The following CFAP161 variants were observed in gnomAD, a reference collection of about 807,000 sequenced individuals.
CFAP161 encodes the protein cilia and flagella associated protein 161.
Under a neutral mutation model 29.0 loss-of-function variants are expected in CFAP161, and 25 were observed. The ratio of observed to expected loss-of-function variants is 0.86; its 90% CI spans 0.63 to 1.20. CFAP161 has a LOEUF of 1.20. CFAP161 is among the 50% of genes most tolerant of loss of function. CFAP161 has a pLI of 0.00. For missense variants in CFAP161, 367 were observed against 371.9 expected, an observed-to-expected ratio of 0.99 and a Z score of 0.11; for synonymous variants, 116 against 137.4, an observed-to-expected ratio of 0.84 and a Z score of 1.09.
In CFAP161 at chr15:81,103,645, G is replaced by A. The variant is rs140934009; in HGVS notation, c.-141-23945G>A. Reference sequence around the variant, plus strand: ...ATGCATTTCTTCACCTGTATCCCTTGCAGTACTCAGTATAATAAGCTACTA... The same window carrying A: ...ATGCATTTCTTCACCTGTATCCCTTACAGTACTCAGTATAATAAGCTACTA... On this transcript the variant is annotated intron_variant, in intron 1 of 4. Coordinates refer to the CFAP161 transcript ENST00000560091. Among the ~76,000 whole-genome samples the A allele has an allele frequency of 5.9e-3, 900 of 152,280 alleles. 9 individuals are homozygous for A. The highest frequency in any genetic ancestry group is 0.021 in the African/African-American group (863 of 41,562).
chr15:81,115,009 A>C (rs571677601), intron 1 of CFAP161, among the ~76,000 whole-genome samples: 2 of 152,320 alleles, frequency 1.3e-5, no homozygotes, highest in South Asian at 4.1e-4. Flanking sequence ...TCCTTGGCTA[A>C]AAAGATCGAT....
intron 1 of CFAP161, among the ~76,000 whole-genome samples, chr15:81,116,212 T>A (rs1181425937): frequency 6.6e-6 from 1 of 152,228 alleles, no homozygotes; most frequent in Non-Finnish European, 1.5e-5. Flanking sequence ...CCATTTCACT[T>A]GCCAAGTGAA....
At chr15:81,130,285 T>C (rs1018669014), upstream of CFAP161, among the ~76,000 whole-genome samples, 1 of 152,250 alleles carries the variant, frequency 6.6e-6, no homozygotes, top group Non-Finnish European at 1.5e-5. Flanking sequence ...ATAGCACTTT[T>C]AATTTCCTTC....
upstream of CFAP161, among the ~76,000 whole-genome samples, chr15:81,131,008 A>G (rs938791034): frequency 1.3e-5 from 2 of 152,182 alleles, no homozygotes; most frequent in South Asian, 4.1e-4. Flanking sequence ...AGATATAATA[A>G]TAAGGAAGTT....
At position 81,143,688 on chromosome 15, in the gene CFAP161, C is replaced by T. The variant is rs999440887; in HGVS notation, c.504C>T (p.Thr168=). 9 of 1,613,692 alleles carry T rather than the reference C, an allele frequency of 5.6e-6. No individual in the cohort carries two copies. Among genetic ancestry groups the T allele is most frequent in the Non-Finnish European group, 7.6e-6 (9 of 1,179,816 alleles). ...TGTATTTGTCAAGTGACCACAGGACCCTCCTGAAATCGTCTAAGAGGTCTT... is the reference window on the plus strand; with the variant it reads ...TGTATTTGTCAAGTGACCACAGGACTCTCCTGAAATCGTCTAAGAGGTCTT... ...KMLYLSSDHR[T]LLKSSKRSWL... The change falls in exon 5 of 7, where the codon ACC becomes ACT. Residue 168 remains threonine, a synonymous_variant. Coordinates refer to ENST00000286732, the MANE Select transcript of CFAP161 (RefSeq NM_173528.4).
At chr15:81,111,146 C>T (rs1894435162) in intron 1 of CFAP161, among the ~76,000 whole-genome samples, 1 of 152,194 alleles carries the variant, frequency 6.6e-6, no homozygotes, top group Non-Finnish European at 1.5e-5. Flanking sequence ...GAGAAATCCT[C>T]CCTGTACTGA....
upstream of CFAP161, chr15:81,134,229 C>A: frequency 7.1e-7 from 1 of 1,411,660 alleles, no homozygotes. Flanking sequence ...CCAGCAGGGT[C>A]CCAGACCTTG....
intron 1 of CFAP161, among the ~76,000 whole-genome samples, chr15:81,125,734 A>T (rs2683245): frequency 6.6e-6 from 1 of 152,014 alleles, no homozygotes; most frequent in Admixed American, 6.6e-5. Context: ...TAAACACAGC[A>T]TACAACATGA....
chr15:81,122,495 CT>C (rs60283141), intron 1 of CFAP161, among the ~76,000 whole-genome samples: 78,380 of 138,286 alleles, frequency 0.57, 22,857 homozygotes, highest in Non-Finnish European at 0.67. Flanking sequence ...TTCTTTCTTT[CT>C]TTTTTTTTTT....
chr15:81,128,340 T>C (rs2663910), intron 2 of CFAP161, among the ~76,000 whole-genome samples: 87,063 of 152,100 alleles, frequency 0.57, 26,177 homozygotes, highest in Non-Finnish European at 0.68. Context: ...CAAACCCTGC[T>C]GCTGCCTTAT....
At chr15:81,104,951 C>T (rs538486971) in intron 1 of CFAP161, among the ~76,000 whole-genome samples, 1 of 151,834 alleles carries the variant, frequency 6.6e-6, no homozygotes, top group East Asian at 1.9e-4. Context: ...AAACCTGTTA[C>T]CAAGATTTTG....
chr15:81,115,738 G>A (rs1279028581), intron 1 of CFAP161, among the ~76,000 whole-genome samples: 1 of 152,008 alleles, frequency 6.6e-6, no homozygotes, highest in Non-Finnish European at 1.5e-5. Flanking sequence ...GGAGTGCAGT[G>A]GAGTCATTGC....
At position 81,148,947 on chromosome 15, in the gene CFAP161, T is replaced by A. The variant is rs1048107855; in HGVS notation, c.*414T>A. Reference sequence around the variant, plus strand: ...TACTAAAACACAAAAAACTGACAGCTCTGAGCTGTGGCCTTACCTTGGAAT... The same window carrying A: ...TACTAAAACACAAAAAACTGACAGCACTGAGCTGTGGCCTTACCTTGGAAT... On this transcript the variant is annotated 3_prime_UTR_variant, in exon 7 of 7. Coordinates refer to ENST00000286732, the MANE Select transcript of CFAP161 (RefSeq NM_173528.4). The A allele has an allele frequency of 6.5e-6, 1 of 154,096 alleles. No individual in the cohort carries two copies. The highest frequency in any genetic ancestry group is 1.4e-5 in the Non-Finnish European group (1 of 69,424). The allele number at this position is 154,096 out of a possible 1,614,324, so 9.5% of individuals were successfully genotyped here.
At chr15:81,118,504 G>A (rs1448455692) in intron 1 of CFAP161, among the ~76,000 whole-genome samples, 1 of 152,234 alleles carries the variant, frequency 6.6e-6, no homozygotes, top group African/African-American at 2.4e-5. Context: ...ACGCGGGGCC[G>A]CCCTCAGCGG....
At chr15:81,141,305 A>T (rs1894903976) in intron 4 of CFAP161, among the ~76,000 whole-genome samples, 1 of 152,208 alleles carries the variant, frequency 6.6e-6, no homozygotes, top group African/African-American at 2.4e-5. Flanking sequence ...ATGCTATTGT[A>T]GAGAGGTCCT....
chr15:81,118,312 T>C (rs28706312), intron 1 of CFAP161: 12 of 483,504 alleles, frequency 2.5e-5, no homozygotes, highest in East Asian at 5.2e-5. Context: ...GTCATTTGAT[T>C]TGCAGTTGTC....
Position 81,148,496 on chromosome 15 carries a change from G to A in CFAP161, c.869G>A (p.Arg290Gln), listed in dbSNP as rs375754118. The change falls in exon 7 of 7, where the codon CGA becomes CAA. Residue 290 changes from arginine (R) to glutamine (Q), a missense_variant. Arg to Gln is a conservative substitution (Grantham distance 43). Coordinates refer to ENST00000286732, the MANE Select transcript of CFAP161 (RefSeq NM_173528.4). ...CCCAAACCACCCACAGAGGACACTC[G>A]AGCCATGGAGCAGGCCATGGGCCTT... ...DLPKPPTEDT[R>Q]AMEQAMGLDT... 1.1e-5 allele frequency: 17 copies of A among 1,614,148 alleles called. No individual in the cohort carries two copies. The highest frequency in any genetic ancestry group is 1.4e-5 in the Non-Finnish European group (16 of 1,180,026).
At chr15:81,115,278 C>G (rs989044358) in intron 1 of CFAP161, among the ~76,000 whole-genome samples, 5 of 152,054 alleles carry the variant, frequency 3.3e-5, no homozygotes, top group Non-Finnish European at 5.9e-5. Flanking sequence ...CGTTTTTGAT[C>G]AATATCTTTT....
chr15:81,145,504 CTGT>C (rs1259396451), intron 5 of CFAP161, among the ~76,000 whole-genome samples: 1 of 152,130 alleles, frequency 6.6e-6, no homozygotes, highest in Non-Finnish European at 1.5e-5. Context: ...GTTGTCATGA[CTGT>C]TGTTGTTATA....
Sources: allele counts gnomAD v4.1 joint callset (sites outside exome capture counted in the v4.1 genomes callset), GRCh38; gene constraint gnomAD v4.1.1; transcripts MANE v1.5; gene names NCBI Gene and HGNC (gene_info 2026-07-23, HGNC 2026-07-21).